The following ATP2B1 variants were observed in gnomAD, a reference collection of about 807,000 sequenced individuals.
The protein encoded by ATP2B1 is plasma membrane calcium-transporting ATPase 1.
In ATP2B1, 14 loss-of-function variants were observed where a neutral mutation model predicts 124.2. The ratio of observed to expected loss-of-function variants is 0.11; its 90% CI spans 0.07 to 0.18. The LOEUF (loss-of-function observed/expected upper bound fraction) is 0.18, where lower values mean the gene tolerates loss of function less well. Among genes scored for constraint, ATP2B1 ranks in the 10% least tolerant of loss-of-function variants. The pLI is 1.00. For missense variants in ATP2B1, 763 were observed against 1,466.1 expected, an observed-to-expected ratio of 0.52 and a Z score of 7.83; for synonymous variants, 449 against 492.4, an observed-to-expected ratio of 0.91 and a Z score of 1.17.
intron 8 of ATP2B1, among the ~76,000 whole-genome samples, chr12:89,625,505 G>A (rs1354074920): frequency 6.7e-6 from 1 of 149,236 alleles, no homozygotes; most frequent in East Asian, 2.0e-4. Context: ...GATAACCTGA[G>A]CCTTGGGATG....
At chr12:89,704,026 T>C (rs887197465) in intron 1 of ATP2B1, among the ~76,000 whole-genome samples, 1 of 152,186 alleles carries the variant, frequency 6.6e-6, no homozygotes, top group African/African-American at 2.4e-5. Context: ...CTTGTGAGAT[T>C]TATAACCAGG....
intron 2 of ATP2B1, among the ~76,000 whole-genome samples, 198 bp from the exon 3 acceptor site, chr12:89,642,553 C>A (rs1305434411): frequency 6.6e-6 from 1 of 152,124 alleles, no homozygotes; most frequent in Non-Finnish European, 1.5e-5. Flanking sequence ...TCAGTTAGGA[C>A]TGCACTAAGA....
intron 9 of ATP2B1, 121 bp from the exon 10 acceptor site, chr12:89,621,912 G>T: frequency 5.7e-6 from 6 of 1,052,442 alleles, no homozygotes; most frequent in African/African-American, 1.7e-5. Context: ...TAAATACAAT[G>T]TATAAAGTAC....
At chr12:89,693,532 C>G (rs1447338137) in intron 1 of ATP2B1, among the ~76,000 whole-genome samples, 1 of 152,180 alleles carries the variant, frequency 6.6e-6, no homozygotes, top group African/African-American at 2.4e-5. Flanking sequence ...ATAGGAAGAG[C>G]AGCACACAGC....
chr12:89,677,098 A>T (rs1371367622), intron 1 of ATP2B1, among the ~76,000 whole-genome samples: 1 of 152,154 alleles, frequency 6.6e-6, no homozygotes, highest in Admixed American at 6.6e-5. Context: ...TCGCAATTTT[A>T]AAGATTAACA....
At chr12:89,702,583 A>C (rs967210431) in intron 1 of ATP2B1, among the ~76,000 whole-genome samples, 4 of 152,210 alleles carry the variant, frequency 2.6e-5, no homozygotes, top group Non-Finnish European at 4.4e-5. Flanking sequence ...TTAAACAGTC[A>C]AATCTTCTTT....
intron 6 of ATP2B1, among the ~76,000 whole-genome samples, 188 bp downstream of exon 6, chr12:89,630,317 T>C (rs1489602804): frequency 6.6e-6 from 1 of 152,180 alleles, no homozygotes; most frequent in Non-Finnish European, 1.5e-5. Context: ...AGATGCTGAA[T>C]TTCTCTGGCC....
rs1435567081 is a variant in ATP2B1, at chr12:89,660,139, T to C, written c.-221-4032A>G. On this transcript the variant is annotated intron_variant, in intron 1 of 20. Coordinates refer to ENST00000428670, the MANE Select transcript of ATP2B1 (RefSeq NM_001366521.1). ...TGCTAATACAACTAAATATATTAGA[T>C]AGAAAAGGACCAATCTAGAAAGAGG... Among the ~76,000 whole-genome samples the C allele has an allele frequency of 2.6e-5, 4 of 152,298 alleles. No homozygotes were observed. In the East Asian group the frequency reaches 7.7e-4, roughly 29 times the overall value.
chr12:89,603,738 A>G lies in ATP2B1; in HGVS notation c.2822T>C (p.Val941Ala). 2.5e-6 allele frequency: 4 copies of G among 1,614,012 alleles called. No individual in the cohort carries two copies. The highest frequency in any genetic ancestry group is 3.4e-6 in the Non-Finnish European group (4 of 1,179,838). ...AGCAAATAAGAGTGTAAAGACTACT[A>G]CAAGTTGATAGAATGCATGACCCAA... ...NILGHAFYQL[V>A]VVFTLLFAGE... Residue 941 changes from valine to alanine, a missense_variant, in exon 17 of 21, where the codon GTA (valine) becomes GCA (alanine). Physicochemically the swap from Val to Ala is moderately conservative, Grantham distance 64. Transcript: ENST00000428670. This position sits in a 1 kb window ranked among gnomAD's most constrained non-coding sequence, Gnocchi z 4.3.
chr12:89,707,893 C>T (rs1892677599), intron 1 of ATP2B1, among the ~76,000 whole-genome samples: 1 of 152,214 alleles, frequency 6.6e-6, no homozygotes. Flanking sequence ...CGCGGTCCTC[C>T]TACAGACTCC....
At chr12:89,608,557 A>T (rs1470493778) in intron 15 of ATP2B1, among the ~76,000 whole-genome samples, 2 of 151,848 alleles carry the variant, frequency 1.3e-5, no homozygotes, top group African/African-American at 2.4e-5. Flanking sequence ...AACCATGAAG[A>T]GCTTAAAAAA....
In ATP2B1 at chr12:89,591,162, A is replaced by G. The variant is rs1187281735; in HGVS notation, c.3485T>C (p.Ile1162Thr). ...IEDSEPHIPL[I>T]DDTDAEDDAP... Reference sequence around the variant, plus strand: ...ATCATCTTCGGCATCAGTGTCATCAATAAGGGGGATATGAGGCTCTGAATC... The same window carrying G: ...ATCATCTTCGGCATCAGTGTCATCAGTAAGGGGGATATGAGGCTCTGAATC... Residue 1162 changes from isoleucine to threonine, a missense_variant, in exon 21 of 21, where the codon ATT becomes ACT. This residue lies in a region of ATP2B1 where 97 missense variants were observed against 94.7 expected (regional missense o/e 1.02). Transcript: ENST00000428670. 8 of 1,613,196 alleles carry G rather than the reference A, an allele frequency of 5.0e-6. No individual in the cohort carries two copies. Among genetic ancestry groups the G allele is most frequent in the Non-Finnish European group, 6.8e-6 (8 of 1,179,416 alleles).
chr12:89,693,912 G>A (rs984034939), intron 1 of ATP2B1, among the ~76,000 whole-genome samples: 2 of 152,088 alleles, frequency 1.3e-5, no homozygotes, highest in Non-Finnish European at 2.9e-5. Context: ...ATAGCCTTAG[G>A]CTGGGAGAAA....
chr12:89,654,030 TTGA>T (rs1885640070), intron 2 of ATP2B1, among the ~76,000 whole-genome samples: 1 of 152,202 alleles, frequency 6.6e-6, no homozygotes, highest in Non-Finnish European at 1.5e-5. Flanking sequence ...CCCTATCAAT[TTGA>T]TGATGATAAA....
chr12:89,694,758 C>CA (rs1164240054), intron 1 of ATP2B1, among the ~76,000 whole-genome samples: 1 of 152,092 alleles, frequency 6.6e-6, no homozygotes, highest in Non-Finnish European at 1.5e-5. Context: ...AGATCACCAT[C>CA]AAGAATTCTA....
chr12:89,686,691 T>C (rs560931580), intron 1 of ATP2B1, among the ~76,000 whole-genome samples: 2 of 152,254 alleles, frequency 1.3e-5, no homozygotes, highest in African/African-American at 2.4e-5. Context: ...GCCATTTCCA[T>C]GTTTCACTAT....
rs555741476 is a variant in ATP2B1 at position 89,668,168 on chromosome 12, A to T, written c.-221-12061T>A. ...AAAAAGCTGCTACCGTGATAAAAAC[A>T]CATTACCTATTTGTACCTCCGGAGG... On this transcript the variant is annotated intron_variant, in intron 1 of 20. Transcript: ENST00000428670. 3.9e-5 allele frequency among the ~76,000 whole-genome samples: 6 copies of T among 152,302 alleles called. No individual in the cohort carries two copies. In the East Asian group the frequency reaches 9.7e-4, roughly 25 times the overall value.
intron 15 of ATP2B1, among the ~76,000 whole-genome samples, chr12:89,604,767 TG>T (rs762166273): frequency 6.6e-6 from 1 of 151,976 alleles, no homozygotes; most frequent in Non-Finnish European, 1.5e-5. Context: ...GACAGCCAAA[TG>T]GTAAGTAACT....
In ATP2B1 at chr12:89,677,971, T is replaced by TATACACACACACACAC. The variant is rs1461216851; in HGVS notation, c.-221-21865_-221-21864insGTGTGTGTGTGTGTAT. On this transcript the variant is annotated intron_variant, in intron 1 of 20. Coordinates refer to ENST00000428670, the MANE Select transcript of ATP2B1 (RefSeq NM_001366521.1). Reference sequence around the variant, plus strand: ...TGCAGGAATTATATATATATATATATACACACACACACACACACACACACA... The same window carrying TATACACACACACACAC: ...TGCAGGAATTATATATATATATATATATACACACACACACACACACACACACACACACACACACACA... Among the ~76,000 whole-genome samples the TATACACACACACACAC allele has an allele frequency of 6.1e-4, 32 of 52,302 alleles. 1 individual carries two copies. The highest frequency in any genetic ancestry group is 1.0e-3 in the Non-Finnish European group (26 of 25,114). 34.3% of individuals were successfully genotyped at this position (52,302 alleles called of 152,430 possible).
Sources: allele counts gnomAD v4.1 joint callset (sites outside exome capture counted in the v4.1 genomes callset), GRCh38; gene constraint gnomAD v4.1.1; regional missense constraint gnomAD v4.1.1; non-coding constraint Gnocchi (gnomAD v3.1); transcripts MANE v1.5; gene names NCBI Gene and HGNC (gene_info 2026-07-23, HGNC 2026-07-21).